The following CST8 variants were observed in gnomAD, a reference collection of about 807,000 sequenced individuals.
CST8 encodes cystatin 8, also known as cystatin-8.
In CST8, 20 loss-of-function variants were observed where a neutral mutation model predicts 11.8. The observed-to-expected ratio is 1.70, with a 90% confidence interval of 1.20 to 2.47. The LOEUF is 2.47. Among genes scored for constraint, CST8 ranks in the 30% most tolerant of loss-of-function variants. The pLI is 0.00. For missense variants in CST8, 196 were observed against 167.2 expected (o/e 1.17, Z -0.95); for synonymous variants, 77 against 63.1 (o/e 1.22, Z -1.05).
At chr20:23,496,188 G>A (rs547958684), downstream of CST8, among the ~76,000 whole-genome samples, 50 of 151,952 alleles carry the variant, frequency 3.3e-4, no homozygotes, top group African/African-American at 1.2e-3. Flanking sequence ...ATTCCCTACA[G>A]CAAATCAGAG....
chr20:23,492,817 A>G, intron 2 of CST8, 141 bp from the exon 3 acceptor site: 1 of 674,340 alleles, frequency 1.5e-6, no homozygotes, highest in Admixed American at 2.2e-5. Flanking sequence ...TGGGCATCTT[A>G]GCCTTCCGCT....
At chr20:23,494,509 T>C (rs1987983948) in intron 3 of CST8, among the ~76,000 whole-genome samples, 2 of 151,558 alleles carry the variant, frequency 1.3e-5, no homozygotes, top group Non-Finnish European at 2.9e-5. Context: ...ATATTTTCAA[T>C]ACTCAGCAGG....
chr20:23,505,600 T>TG, the CST8 span, among the ~76,000 whole-genome samples: 1 of 151,830 alleles, frequency 6.6e-6, no homozygotes, highest in African/African-American at 2.4e-5. Context: ...TGAGAAAGAG[T>TG]GGGGTTGAGC....
At chr20:23,502,646 T>C in the CST8 span, among the ~76,000 whole-genome samples, 1 of 152,208 alleles carries the variant, frequency 6.6e-6, no homozygotes, top group African/African-American at 2.4e-5. Flanking sequence ...CACGTGATTC[T>C]GCTTTACTGT....
At chr20:23,492,546 T>C (rs1600294683) in intron 2 of CST8, among the ~76,000 whole-genome samples, 1 of 152,174 alleles carries the variant, frequency 6.6e-6, no homozygotes, top group Non-Finnish European at 1.5e-5. Context: ...CTAATGTGGC[T>C]GAGGGGGCTG....
downstream of CST8, among the ~76,000 whole-genome samples, chr20:23,497,507 T>G (rs1988078708): frequency 6.6e-6 from 1 of 152,228 alleles, no homozygotes; most frequent in Admixed American, 6.5e-5. Flanking sequence ...CTGTGGGATC[T>G]CTATAAATTG....
chr20:23,499,585 G>A (rs1988135123), downstream of CST8, among the ~76,000 whole-genome samples: 2 of 152,240 alleles, frequency 1.3e-5, no homozygotes, highest in South Asian at 2.1e-4. Context: ...GAACACAGGA[G>A]ACCATGGAGC....
chr20:23,500,979 G>T (rs1264794291), downstream of CST8, among the ~76,000 whole-genome samples: 4 of 152,188 alleles, frequency 2.6e-5, no homozygotes, highest in Non-Finnish European at 2.9e-5. Flanking sequence ...TACTTAACAG[G>T]CCTACTGCGG....
chr20:23,505,139 C>CTTTTTTT, the CST8 span, among the ~76,000 whole-genome samples: 14 of 82,032 alleles, frequency 1.7e-4, no homozygotes, highest in African/African-American at 5.0e-4. Context: ...AAGAAGCATT[C>CTTTTTTT]TTTTTTTTTT....
downstream of CST8, among the ~76,000 whole-genome samples, chr20:23,500,774 G>A (rs865916280): frequency 6.0e-5 from 9 of 150,738 alleles, no homozygotes; most frequent in Non-Finnish European, 1.2e-4. Context: ...GGGGGGTGCA[G>A]GTGAAGGGTG....
chr20:23,497,080 TTAAAG>T (rs1345270703), downstream of CST8, among the ~76,000 whole-genome samples: 10 of 152,292 alleles, frequency 6.6e-5, no homozygotes, highest in African/African-American at 2.4e-4. Flanking sequence ...GATTAAGAGA[TTAAAG>T]TAAAGACAGG....
Position 23,491,592 on chromosome 20 carries a change from C to A in CST8, c.-76C>A. 1 of 1,121,868 alleles carries A rather than the reference C, an allele frequency of 8.9e-7. No homozygotes were observed. The highest frequency in any genetic ancestry group is 1.3e-6 in the Non-Finnish European group (1 of 750,792). 69.5% of individuals were successfully genotyped at this position (1,121,868 alleles called of 1,614,324 possible). The stretch of plus-strand genomic sequence containing the variant: ...CTTGAACCCACAGCAGCAGCTGCGG[C>A]CACCCCATCCTGCCCACAGCTCCAG... On this transcript the variant is annotated 5_prime_UTR_variant, in exon 2 of 4. Coordinates refer to ENST00000246012, the MANE Select transcript of CST8 (RefSeq NM_005492.4).
downstream of CST8, among the ~76,000 whole-genome samples, chr20:23,496,634 A>G (rs1988054162): frequency 6.6e-6 from 1 of 152,238 alleles, no homozygotes; most frequent in African/African-American, 2.4e-5. Context: ...TGGTCTGACC[A>G]AACTTTATTA....
chr20:23,506,385 C>T, the CST8 span, among the ~76,000 whole-genome samples: 3 of 152,160 alleles, frequency 2.0e-5, no homozygotes, highest in African/African-American at 4.8e-5. Flanking sequence ...TCCACAGCTT[C>T]GCTTTCTTTT....
intron 3 of CST8, among the ~76,000 whole-genome samples, chr20:23,494,980 A>G (rs1987999987): frequency 6.6e-6 from 1 of 152,076 alleles, no homozygotes; most frequent in Admixed American, 6.6e-5. Flanking sequence ...TCCATTCTCC[A>G]GGAGGCCCCA....
chr20:23,494,125 C>G (rs1394834371), intron 3 of CST8, among the ~76,000 whole-genome samples: 5 of 152,136 alleles, frequency 3.3e-5, no homozygotes, highest in Non-Finnish European at 4.4e-5. Flanking sequence ...AATAAATGAC[C>G]CGTCAGGACA....
At chr20:23,499,491 C>A (rs991094972), downstream of CST8, among the ~76,000 whole-genome samples, 2 of 152,226 alleles carry the variant, frequency 1.3e-5, no homozygotes, top group East Asian at 1.9e-4. Flanking sequence ...AGCCCACTGT[C>A]ACAGGGCCTG....
At chr20:23,498,818 C>G (rs1988119901), downstream of CST8, among the ~76,000 whole-genome samples, 1 of 152,144 alleles carries the variant, frequency 6.6e-6, no homozygotes, top group African/African-American at 2.4e-5. Context: ...GTGCTTCTTT[C>G]CTATGTGCTT....
At chr20:23,501,916 C>T in the CST8 span, among the ~76,000 whole-genome samples, 1 of 152,202 alleles carries the variant, frequency 6.6e-6, no homozygotes, top group South Asian at 2.1e-4. Flanking sequence ...CTGCTGGGGG[C>T]ACCTTCTGTG....
Sources: allele counts gnomAD v4.1 joint callset (sites outside exome capture counted in the v4.1 genomes callset), GRCh38; gene constraint gnomAD v4.1.1; transcripts MANE v1.5; gene names NCBI Gene and HGNC (gene_info 2026-07-23, HGNC 2026-07-21).